BBLN: variants seen among roughly 807,000 people sequenced by gnomAD.
BBLN encodes bublin coiled coil protein, also known as bublin coiled-coil protein.
A neutral mutation model predicts 7.6 loss-of-function variants in BBLN; 6 were observed. The ratio of observed to expected loss-of-function variants is 0.79; its 90% CI spans 0.43 to 1.55. BBLN has a LOEUF of 1.55. BBLN is among the 40% of genes most tolerant of loss of function. BBLN has a pLI of 0.01. For missense variants in BBLN, 100 were observed against 111.1 expected (o/e 0.90, Z 0.45); for synonymous variants, 35 against 46.7 (o/e 0.75, Z 1.02).
rs1169643882 is a variant in BBLN, at chr9:128,162,506, G to A, written c.80-937G>A. ...AGACCAGGGAAGGCTTCTTGGAGGAGGCATTTTGAGCTGGTCCTTGAAGGG... is the reference window on the plus strand; with the variant it reads ...AGACCAGGGAAGGCTTCTTGGAGGAAGCATTTTGAGCTGGTCCTTGAAGGG... On this transcript the variant is annotated intron_variant, in intron 1 of 1. Transcript: ENST00000372994. 6 of 152,586 alleles carry A rather than the reference G, an allele frequency of 3.9e-5. 1 individual carries two copies. The highest frequency in any genetic ancestry group is 8.8e-5 in the Non-Finnish European group (6 of 68,300). The allele number at this position is 152,586 out of a possible 1,614,324, so 9.5% of individuals were successfully genotyped here.
At position 128,163,458 on chromosome 9, in the gene BBLN, A is replaced by T; in HGVS notation, c.95A>T (p.Asn32Ile). ...TTCCTCCCAGAATACGCTGCCATCAACTCCATGCTGGACCAGATCAACTCC... is the reference window on the plus strand; with the variant it reads ...TTCCTCCCAGAATACGCTGCCATCATCTCCATGCTGGACCAGATCAACTCC... ...GFGEAEYAAI[N>I]SMLDQINSCL... The change falls in exon 2 of 2, where the codon AAC becomes ATC. Residue 32 changes from asparagine (N) to isoleucine (I), a missense_variant. Coordinates refer to ENST00000372994, the MANE Select transcript of BBLN (RefSeq NM_024112.4). The surrounding 1 kb of genome is among the most constrained non-coding windows in gnomAD (Gnocchi z 5.7). 1 of 1,570,422 alleles carries T rather than the reference A, an allele frequency of 6.4e-7. No homozygotes were observed. Among genetic ancestry groups the T allele is most frequent in the Non-Finnish European group, 8.7e-7 (1 of 1,155,082 alleles).
In BBLN at chr9:128,163,627, C is replaced by T. The variant is rs1829277871; in HGVS notation, c.*12C>T. The T allele has an allele frequency of 6.7e-7, 1 of 1,486,450 alleles. No homozygotes were observed. Among genetic ancestry groups the T allele is most frequent in the African/African-American group, 1.4e-5 (1 of 70,856 alleles). 92.1% of individuals were successfully genotyped at this position (1,486,450 alleles called of 1,614,324 possible). ...ATGCCAGCCCCTAGGCTCCAAGAGC[C>T]CCCAACCGGGACCCAACCCTGCCTC... On this transcript the variant is annotated 3_prime_UTR_variant, in exon 2 of 2. Coordinates refer to ENST00000372994, the MANE Select transcript of BBLN (RefSeq NM_024112.4). This position sits in a 1 kb window ranked among gnomAD's most constrained non-coding sequence, Gnocchi z 5.7.
At chr9:128,160,510 C>A (rs1829243247) in intron 1 of BBLN, 24 bp downstream of exon 1, 1 of 1,273,874 alleles carries the variant, frequency 7.9e-7, no homozygotes, top group Admixed American at 4.1e-5. Flanking sequence ...GCTGCTGGAG[C>A]AACCTTGCAT....
intron 1 of BBLN, chr9:128,162,887 GGGAA>G (rs1389600020): frequency 6.5e-6 from 1 of 154,256 alleles, no homozygotes; most frequent in Non-Finnish European, 1.5e-5. Context: ...GAGGAGAGAA[GGGAA>G]GGAAGATGGG....
At position 128,163,562 on chromosome 9, in the gene BBLN, C is replaced by G. The variant is rs760211969; in HGVS notation, c.199C>G (p.Arg67Gly). 4 of 1,605,328 alleles carry G rather than the reference C, an allele frequency of 2.5e-6. No individual in the cohort carries two copies. In the East Asian group the frequency reaches 9.0e-5, roughly 36 times the overall value. The change falls in exon 2 of 2, where the codon CGC (arginine) becomes GGC (glycine). Residue 67 changes from arginine (R) to glycine (G), a missense_variant. Coordinates refer to ENST00000372994, the MANE Select transcript of BBLN (RefSeq NM_024112.4). The surrounding 1 kb of genome is among the most constrained non-coding windows in gnomAD (Gnocchi z 5.7). ...GCTGCTGGAGTCCAACCGGCAGACA[C>G]GCCTGGAGTTCCAGCAGCAGCTCGG... ...QELLESNRQT[R>G]LEFQQQLGEA...
In BBLN at chr9:128,160,573, A is replaced by C. The variant is rs138271849; in HGVS notation, c.79+87A>C. On this transcript the variant is annotated intron_variant, in intron 1 of 1. Transcript: ENST00000372994. ...AATCGAGATGGGGTCTCGGAAGGGA[A>C]CAAAGAGCCCACCCATTCCGCCCCG... The C allele has an allele frequency of 2.6e-3, 2,407 of 911,888 alleles. 74 individuals are homozygous for C. The East Asian group carries it at 0.056, about 21-fold the overall frequency. The allele number at this position is 911,888 out of a possible 1,614,324, so 56.5% of individuals were successfully genotyped here.
At chr9:128,161,938 G>A (rs1366657749) in intron 1 of BBLN, 1 of 152,162 alleles carries the variant, frequency 6.6e-6, no homozygotes, top group Non-Finnish European at 1.5e-5. Flanking sequence ...CCACCACACC[G>A]GCCACTGTCT....
Position 128,163,022 on chromosome 9 carries a change from T to C in BBLN, c.80-421T>C. 1 of 158,390 alleles carries C rather than the reference T, an allele frequency of 6.3e-6. No individual in the cohort carries two copies. Among genetic ancestry groups the C allele is most frequent in the Middle Eastern group, 2.7e-3 (1 of 364 alleles). 9.8% of individuals were successfully genotyped at this position (158,390 alleles called of 1,614,324 possible). A position where few individuals can be genotyped will look rare whatever the true frequency, so the allele number is the denominator to read the frequency against. The stretch of plus-strand genomic sequence containing the variant: ...GCAGGGCTAGCTAGGAGGCAGGGGC[T>C]GGAGACTCCGCTGGGTGTTTTATCC... On this transcript the variant is annotated intron_variant, in intron 1 of 1. Transcript: ENST00000372994. This position sits in a 1 kb window ranked among gnomAD's most constrained non-coding sequence, Gnocchi z 5.7.
At chr9:128,161,347 A>G (rs542726483) in intron 1 of BBLN, among the ~76,000 whole-genome samples, 2 of 152,326 alleles carry the variant, frequency 1.3e-5, no homozygotes, top group African/African-American at 4.8e-5. Context: ...AGTTTCAGGT[A>G]GCTCTGCATT....
At position 128,163,419 on chromosome 9, in the gene BBLN, C is replaced by T; in HGVS notation, c.80-24C>T. ...GCCCCAAGGAGACACAGGATCTGGG[C>T]TCTGTCTTTCGCCTTCCTCCCAGAA... On this transcript the variant is annotated intron_variant, in intron 1 of 1. Coordinates refer to ENST00000372994, the MANE Select transcript of BBLN (RefSeq NM_024112.4). This position sits in a 1 kb window ranked among gnomAD's most constrained non-coding sequence, Gnocchi z 5.7. The T allele has an allele frequency of 2.6e-6, 4 of 1,515,158 alleles. No individual in the cohort carries two copies. The highest frequency in any genetic ancestry group is 2.6e-5 in the South Asian group (2 of 77,060). The allele number at this position is 1,515,158 out of a possible 1,614,324, so 93.9% of individuals were successfully genotyped here. A position where few individuals can be genotyped will look rare whatever the true frequency, so the allele number is the denominator to read the frequency against.
chr9:128,163,339 G>C lies in BBLN; in HGVS notation c.80-104G>C, dbSNP rs1829273704. ...GAGGCTCAGGAAGCAGTAGGGACTTGCACAAAGCCCTTTGGGAAGCAGGCT... is the reference window on the plus strand; with the variant it reads ...GAGGCTCAGGAAGCAGTAGGGACTTCCACAAAGCCCTTTGGGAAGCAGGCT... On this transcript the variant is annotated intron_variant, in intron 1 of 1. Transcript: ENST00000372994. This position sits in a 1 kb window ranked among gnomAD's most constrained non-coding sequence, Gnocchi z 5.7. The C allele has an allele frequency of 2.7e-6, 3 of 1,118,742 alleles. No homozygotes were observed. The highest frequency in any genetic ancestry group is 2.7e-5 in the Admixed American group (1 of 36,392). 69.3% of individuals were successfully genotyped at this position (1,118,742 alleles called of 1,614,324 possible). A position where few individuals can be genotyped will look rare whatever the true frequency, so the allele number is the denominator to read the frequency against.
Position 128,163,563 on chromosome 9 carries a change from G to T in BBLN, c.200G>T (p.Arg67Leu), listed in dbSNP as rs373847523. 5.0e-6 allele frequency: 8 copies of T among 1,604,712 alleles called. No individual in the cohort carries two copies. The highest frequency in any genetic ancestry group is 1.3e-5 in the African/African-American group (1 of 74,676). ...QELLESNRQT[R>L]LEFQQQLGEA... Reference sequence around the variant, plus strand: ...CTGCTGGAGTCCAACCGGCAGACACGCCTGGAGTTCCAGCAGCAGCTCGGG... The same window carrying T: ...CTGCTGGAGTCCAACCGGCAGACACTCCTGGAGTTCCAGCAGCAGCTCGGG... Residue 67 changes from arginine to leucine, a missense_variant, in exon 2 of 2, where the codon CGC (arginine) becomes CTC (leucine). Arg to Leu is a moderately radical substitution (Grantham distance 102, BLOSUM62 -2). Coordinates refer to ENST00000372994, the MANE Select transcript of BBLN (RefSeq NM_024112.4). The surrounding 1 kb of genome is among the most constrained non-coding windows in gnomAD (Gnocchi z 5.7).
chr9:128,160,438 C>G lies in BBLN; in HGVS notation c.31C>G (p.Pro11Ala). MSGPNGDLGM[P>A]VEAGAEGEED... is the part of the protein sequence containing the mutation. Reference sequence around the variant, plus strand: ...GGGCCCCAACGGAGACCTGGGGATGCCGGTGGAGGCGGGAGCGGAAGGCGA... The same window carrying G: ...GGGCCCCAACGGAGACCTGGGGATGGCGGTGGAGGCGGGAGCGGAAGGCGA... Residue 11 changes from proline to alanine, a missense_variant, in exon 1 of 2, where the codon CCG becomes GCG. Physicochemically the swap from Pro to Ala is conservative, Grantham distance 27. Coordinates refer to ENST00000372994, the MANE Select transcript of BBLN (RefSeq NM_024112.4). 5 of 1,268,528 alleles carry G rather than the reference C, an allele frequency of 3.9e-6. No individual in the cohort carries two copies. The highest frequency in any genetic ancestry group is 5.0e-6 in the Non-Finnish European group (5 of 998,930). The allele number at this position is 1,268,528 out of a possible 1,614,324, so 78.6% of individuals were successfully genotyped here. A position where few individuals can be genotyped will look rare whatever the true frequency, so the allele number is the denominator to read the frequency against.
chr9:128,161,595 A>G lies in BBLN; in HGVS notation c.79+1109A>G, dbSNP rs116842449. Among the ~76,000 whole-genome samples the G allele has an allele frequency of 9.2e-3, 1,406 of 152,076 alleles. 14 individuals carry two copies. The highest frequency in any genetic ancestry group is 0.044 in the East Asian group (229 of 5,178). On this transcript the variant is annotated intron_variant, in intron 1 of 1. Transcript: ENST00000372994. ...AGGACACAGAGTTCGAAATATTGAT[A>G]ATAATGACCATCCACTAAGTACTTG...
chr9:128,161,069 ATG>A (rs1331032179), intron 1 of BBLN, among the ~76,000 whole-genome samples: 2 of 114,742 alleles, frequency 1.7e-5, no homozygotes, highest in Non-Finnish European at 3.9e-5. Flanking sequence ...CTGCACTGGG[ATG>A]TGTCAGAATT....
Position 128,163,271 on chromosome 9 carries a change from A to C in BBLN, c.80-172A>C, listed in dbSNP as rs1829273069. ...ACTAAAGTGTCATTCATTCAAAGCC[A>C]CTCCTCTTTTGGTATTCCACCCATT... is the stretch of plus-strand genomic sequence containing the variant. On this transcript the variant is annotated intron_variant, in intron 1 of 1. Coordinates refer to ENST00000372994, the MANE Select transcript of BBLN (RefSeq NM_024112.4). The surrounding 1 kb of genome is among the most constrained non-coding windows in gnomAD (Gnocchi z 5.7). Among the ~76,000 whole-genome samples, 1 of 151,896 alleles carries C rather than the reference A, an allele frequency of 6.6e-6. No individual in the cohort carries two copies. Among genetic ancestry groups the C allele is most frequent in the South Asian group, 2.1e-4 (1 of 4,806 alleles).
rs897157354 is a variant in BBLN at position 128,163,793 on chromosome 9, C to T, written c.*178C>T. On this transcript the variant is annotated 3_prime_UTR_variant, in exon 2 of 2. Transcript: ENST00000372994. This position sits in a 1 kb window ranked among gnomAD's most constrained non-coding sequence, Gnocchi z 5.7. ...CTCCCCTTGGCCTACCTGGGCCAGC[C>T]CCCACCACCTGGCATGCCCTCCTGG... The T allele has an allele frequency of 3.9e-5, 22 of 563,218 alleles. No individual in the cohort carries two copies. The highest frequency in any genetic ancestry group is 5.7e-5 in the Non-Finnish European group (19 of 330,450). The allele number at this position is 563,218 out of a possible 1,614,324, so 34.9% of individuals were successfully genotyped here. A position where few individuals can be genotyped will look rare whatever the true frequency, so the allele number is the denominator to read the frequency against.
At chr9:128,160,559 G>A (rs959447858) in intron 1 of BBLN, 73 bp downstream of exon 1, 2 of 983,630 alleles carry the variant, frequency 2.0e-6, no homozygotes, top group Non-Finnish European at 1.4e-6. Context: ...ATCGAGATGG[G>A]GTCTCGGAAG....
chr9:128,161,628 C>T (rs1829254976), intron 1 of BBLN, among the ~76,000 whole-genome samples: 1 of 151,856 alleles, frequency 6.6e-6, no homozygotes, highest in African/African-American at 2.4e-5. Context: ...TTGCTGTGGC[C>T]AGATCCTGTC....
Sources: allele counts gnomAD v4.1 joint callset (sites outside exome capture counted in the v4.1 genomes callset), GRCh38; gene constraint gnomAD v4.1.1; non-coding constraint Gnocchi (gnomAD v3.1); transcripts MANE v1.5; gene names NCBI Gene and HGNC (gene_info 2026-07-23, HGNC 2026-07-21).